The following FGF13 variants were observed in gnomAD, a reference collection of about 807,000 sequenced individuals.
FGF13 encodes fibroblast growth factor 13, also known as fibroblast growth factor homologous factor 2.
Under a neutral mutation model 19.5 loss-of-function variants are expected in FGF13, and 2 were observed. That is an observed-to-expected ratio of 0.10 (90% CI 0.04 to 0.32). The LOEUF is 0.32. FGF13 is among the 10% of genes least tolerant of loss of function. FGF13 has a pLI of 1.00. For missense variants in FGF13, 113 were observed against 192.7 expected, an observed-to-expected ratio of 0.59 and a Z score of 2.45; for synonymous variants, 72 against 76.9, an observed-to-expected ratio of 0.94 and a Z score of 0.33.
At chrX:139,123,799 T>C (rs1326908146) in intron 1 of FGF13, among the ~76,000 whole-genome samples, 1 of 112,384 alleles carries the variant, frequency 8.9e-6, no homozygotes, top group East Asian at 2.8e-4. Flanking sequence ...ATATGTGATC[T>C]AAGTCCTAAA....
chrX:138,723,410 C>G (rs762343557), intron 1 of FGF13, among the ~76,000 whole-genome samples: 91 of 111,762 alleles, frequency 8.1e-4, no homozygotes, highest in Admixed American at 1.3e-3. Context: ...CACTTCTTCA[C>G]ATGTAAACAG....
intron 1 of FGF13, among the ~76,000 whole-genome samples, chrX:138,995,297 A>G (rs1342396273): frequency 9.0e-6 from 1 of 111,475 alleles, no homozygotes; most frequent in Non-Finnish European, 1.9e-5. Flanking sequence ...TTTATTTTTT[A>G]ATTTTGATTT....
At chrX:139,075,311 C>G (rs1273784100) in intron 1 of FGF13, among the ~76,000 whole-genome samples, 1 of 111,930 alleles carries the variant, frequency 8.9e-6, no homozygotes, top group African/African-American at 3.3e-5. Flanking sequence ...ACAGGCACTA[C>G]CCGATCCCAC....
chrX:138,950,175 T>C (rs2091803462), intron 1 of FGF13, among the ~76,000 whole-genome samples: 1 of 112,060 alleles, frequency 8.9e-6, no homozygotes, highest in Non-Finnish European at 1.9e-5. Flanking sequence ...ATTGAATCAA[T>C]GAGTGAGCTG....
At chrX:139,183,281 C>T (rs1217726309) in intron 1 of FGF13, among the ~76,000 whole-genome samples, 2 of 112,376 alleles carry the variant, frequency 1.8e-5, no homozygotes, top group East Asian at 5.6e-4. Context: ...ACAGAATCAA[C>T]TCTGCCCTTC....
At chrX:138,978,417 C>T (rs1329755124) in intron 1 of FGF13, among the ~76,000 whole-genome samples, 2 of 109,990 alleles carry the variant, frequency 1.8e-5, no homozygotes, top group South Asian at 4.0e-4. Context: ...CGCCCTCCAC[C>T]ACGCCTGGCT....
intron 1 of FGF13, among the ~76,000 whole-genome samples, chrX:138,964,549 A>G (rs760759370): frequency 8.9e-6 from 1 of 111,940 alleles, no homozygotes; most frequent in Admixed American, 9.5e-5. Flanking sequence ...CAGCTGTCTT[A>G]GTCGACTTGT....
At chrX:139,175,003 T>G (rs1270993838) in intron 1 of FGF13, among the ~76,000 whole-genome samples, 1 of 112,067 alleles carries the variant, frequency 8.9e-6, no homozygotes, top group Admixed American at 9.5e-5. Flanking sequence ...GCCATATTCA[T>G]GATATTGTTT....
intron 3 of FGF13, among the ~76,000 whole-genome samples, chrX:138,781,663 T>C (rs1280694500): frequency 9.0e-6 from 1 of 111,711 alleles, no homozygotes; most frequent in Non-Finnish European, 1.9e-5. Flanking sequence ...GTGGCAATAA[T>C]CAATAGCTTA....
chrX:139,029,836 T>A (rs994431961), intron 1 of FGF13, among the ~76,000 whole-genome samples: 2 of 111,965 alleles, frequency 1.8e-5, no homozygotes, highest in Non-Finnish European at 3.8e-5. Context: ...GACTCTATGA[T>A]ACTGCACAGA....
intron 1 of FGF13, among the ~76,000 whole-genome samples, chrX:139,185,287 A>C (rs1450634672): frequency 8.9e-6 from 1 of 112,475 alleles, no homozygotes; most frequent in Non-Finnish European, 1.9e-5. Flanking sequence ...ACTTGAGCAT[A>C]ATAAGTGTCT....
chrX:138,836,876 G>A (rs2091115618), intron 3 of FGF13, among the ~76,000 whole-genome samples: 1 of 87,920 alleles, frequency 1.1e-5, no homozygotes, highest in Non-Finnish European at 2.1e-5. Flanking sequence ...ACCTTTTGGT[G>A]GTGGGTTTTT....
intron 3 of FGF13, among the ~76,000 whole-genome samples, chrX:138,766,344 AG>A (rs1157581437): frequency 8.9e-6 from 1 of 111,956 alleles, no homozygotes; most frequent in African/African-American, 3.2e-5. Flanking sequence ...GAAATTTTAG[AG>A]GACATCAACT....
upstream of FGF13, among the ~76,000 whole-genome samples, chrX:138,713,884 C>T (rs1377943252): frequency 9.0e-6 from 1 of 111,582 alleles, no homozygotes; most frequent in African/African-American, 3.3e-5. Flanking sequence ...TTTCTAACTC[C>T]TGTCTACCAT....
At chrX:139,089,023 TG>T (rs1321286000) in intron 1 of FGF13, among the ~76,000 whole-genome samples, 1 of 112,610 alleles carries the variant, frequency 8.9e-6, no homozygotes, top group Non-Finnish European at 1.9e-5. Context: ...TTTCAGCCTC[TG>T]GAACAGTGAG....
In FGF13 at chrX:138,667,276, G is replaced by T. The variant is rs373181376; in HGVS notation, c.403-31621C>A. 4.1e-4 allele frequency among the ~76,000 whole-genome samples: 44 copies of T among 107,618 alleles called. No homozygotes were observed. The South Asian group carries it at 7.7e-3, about 19-fold the overall frequency. 93.5% of individuals were successfully genotyped at this position (107,618 alleles called of 115,157 possible). ...TTTGGAATATATGTATATATATAGAGAGAGAGAGAGAAAGAAAGACAAAGA... is the reference window on the plus strand; with the variant it reads ...TTTGGAATATATGTATATATATAGATAGAGAGAGAGAAAGAAAGACAAAGA... On this transcript the variant is annotated intron_variant, in intron 3 of 4. Coordinates refer to ENST00000315930, the MANE Select transcript of FGF13 (RefSeq NM_004114.5).
At chrX:139,059,978 A>G (rs1452954739) in intron 1 of FGF13, among the ~76,000 whole-genome samples, 1 of 112,063 alleles carries the variant, frequency 8.9e-6, no homozygotes, top group Non-Finnish European at 1.9e-5. Flanking sequence ...AGGCAGGTGT[A>G]TAAATTGATA....
chrX:138,919,806 C>A (rs756979720), intron 1 of FGF13, among the ~76,000 whole-genome samples: 11 of 109,622 alleles, frequency 1.0e-4, no homozygotes, highest in South Asian at 4.0e-4. Context: ...TGAGACAACA[C>A]ATATGATAAA....
intron 3 of FGF13, among the ~76,000 whole-genome samples, chrX:138,788,059 T>C (rs750490754): frequency 8.9e-6 from 1 of 111,739 alleles, no homozygotes; most frequent in Non-Finnish European, 1.9e-5. Flanking sequence ...CAAAGTCTCA[T>C]CTAAATGTCA....
Sources: allele counts gnomAD v4.1 joint callset (sites outside exome capture counted in the v4.1 genomes callset), GRCh38; gene constraint gnomAD v4.1.1; transcripts MANE v1.5; gene names NCBI Gene and HGNC (gene_info 2026-07-23, HGNC 2026-07-21).